DLG5: variants seen among roughly 807,000 people sequenced by gnomAD.
DLG5 encodes disks large homolog 5.
DLG5 carries 48 observed loss-of-function variants against 189.8 expected under a neutral mutation model. That is an observed-to-expected ratio of 0.25 (90% confidence interval 0.20 to 0.32). The LOEUF is 0.32. Among genes scored for constraint, DLG5 ranks in the 10% least tolerant of loss-of-function variants. DLG5 has a pLI of 1.00. For missense variants in DLG5, 2,160 were observed against 2,544.7 expected (o/e 0.85, Z 3.25); for synonymous variants, 1,016 against 1,054.1 (o/e 0.96, Z 0.70).
At chr10:77,883,691 C>CTTTTTTTT (rs36028891) in intron 1 of DLG5, among the ~76,000 whole-genome samples, 60 of 96,422 alleles carry the variant, frequency 6.2e-4, no homozygotes, top group African/African-American at 1.1e-3. Flanking sequence ...TAACATTGTT[C>CTTTTTTTT]TTTTTTTTTT....
chr10:77,902,635 C>T (rs867192471), intron 1 of DLG5, among the ~76,000 whole-genome samples: 2 of 151,852 alleles, frequency 1.3e-5, no homozygotes, highest in African/African-American at 4.8e-5. Context: ...CCGAGGTGGG[C>T]GGATCATGAG....
chr10:77,870,560 T>C (rs538750816), intron 1 of DLG5, among the ~76,000 whole-genome samples: 27 of 152,222 alleles, frequency 1.8e-4, no homozygotes, highest in Middle Eastern at 3.4e-3. Context: ...GGCACGCACC[T>C]GTAATCCCAG....
At chr10:77,814,198 G>A (rs1841922606) in intron 20 of DLG5, among the ~76,000 whole-genome samples, 1 of 151,748 alleles carries the variant, frequency 6.6e-6, no homozygotes, top group South Asian at 2.1e-4. Context: ...GGCTGGTCTC[G>A]AACCCCTGAC....
intron 31 of DLG5, chr10:77,792,801 G>A: frequency 2.2e-6 from 1 of 453,316 alleles, no homozygotes. Flanking sequence ...AATGGTTGGG[G>A]GAATCCCAGG....
chr10:77,800,289 T>C (rs1211246418), intron 27 of DLG5, among the ~76,000 whole-genome samples: 2 of 152,132 alleles, frequency 1.3e-5, no homozygotes, highest in East Asian at 3.8e-4. Flanking sequence ...ATGAGAAATA[T>C]CTTTTTGAAG....
chr10:77,819,493 G>A (rs2289308), intron 16 of DLG5, 28 bp from the exon 17 acceptor site: 511,017 of 1,599,250 alleles, frequency 0.32, 84,406 homozygotes, highest in Non-Finnish European at 0.34. Context: ...GAGAAAAGAC[G>A]CCCCAAAGGA....
At chr10:77,875,830 A>C (rs1285852461) in intron 1 of DLG5, among the ~76,000 whole-genome samples, 1 of 151,896 alleles carries the variant, frequency 6.6e-6, no homozygotes, top group Non-Finnish European at 1.5e-5. Context: ...AAAAAAGAAA[A>C]GAAAAAACTA....
At chr10:77,889,599 C>A (rs1234740939) in intron 1 of DLG5, 1 of 152,322 alleles carries the variant, frequency 6.6e-6, no homozygotes, top group South Asian at 2.1e-4. Flanking sequence ...AAGGCGGTGT[C>A]GAGTTACTGA....
At chr10:77,894,287 C>G (rs891030119) in intron 1 of DLG5, among the ~76,000 whole-genome samples, 21 of 152,132 alleles carry the variant, frequency 1.4e-4, no homozygotes, top group African/African-American at 4.6e-4. Context: ...AGTTCTTTAA[C>G]CACTCTGTGC....
At chr10:77,830,716 A>G in intron 10 of DLG5, 25 bp downstream of exon 10, 2 of 1,612,252 alleles carry the variant, frequency 1.2e-6, no homozygotes, top group South Asian at 2.2e-5. Context: ...AGAGAAGGAG[A>G]GAAGAACCAT....
chr10:77,821,504 C>T lies in DLG5; in HGVS notation c.2980G>A (p.Gly994Ser). The T allele has an allele frequency of 6.2e-7, 1 of 1,612,568 alleles. No individual in the cohort carries two copies. The highest frequency in any genetic ancestry group is 8.5e-7 in the Non-Finnish European group (1 of 1,179,908). Residue 994 changes from glycine (G) to serine (S), a missense_variant, in exon 15 of 32, where the codon GGT (glycine) becomes AGT (serine). Physicochemically the swap from Gly to Ser is moderately conservative, Grantham distance 56. Transcript: ENST00000372391. ...TGGGGAGAGTGAGCAGGCCCAGGAC[C>T]TGGAAGCAGGTAGTCTATTTTGGGG... Reference protein sequence around the residue: ...TPPKIDYLLPGPGPAHSPQPS... With the variant: ...TPPKIDYLLPSPGPAHSPQPS...
At chr10:77,920,152 G>A (rs1032515264) in intron 1 of DLG5, among the ~76,000 whole-genome samples, 2 of 152,122 alleles carry the variant, frequency 1.3e-5, no homozygotes, top group Non-Finnish European at 2.9e-5. Flanking sequence ...CAGTTTTCTG[G>A]TTCTAAGGCT....
intron 1 of DLG5, among the ~76,000 whole-genome samples, chr10:77,923,754 T>C (rs1209633128): frequency 6.6e-6 from 1 of 152,164 alleles, no homozygotes; most frequent in Non-Finnish European, 1.5e-5. Context: ...TGAGACCCTG[T>C]CTCAAAAAAA....
chr10:77,922,304 T>A (rs902995468), intron 1 of DLG5, among the ~76,000 whole-genome samples: 1 of 151,862 alleles, frequency 6.6e-6, no homozygotes, highest in Non-Finnish European at 1.5e-5. Context: ...GGGAAAAAAC[T>A]CAGGTGTTTC....
intron 1 of DLG5, among the ~76,000 whole-genome samples, chr10:77,876,695 A>AGGGAGGG (rs1845101553): frequency 1.4e-5 from 1 of 73,408 alleles, no homozygotes; most frequent in Non-Finnish European, 3.0e-5. Context: ...GGAAGGAAGG[A>AGGGAGGG]AGGAAGGAAG....
At chr10:77,892,457 G>GT (rs1178571389) in intron 1 of DLG5, among the ~76,000 whole-genome samples, 1 of 152,212 alleles carries the variant, frequency 6.6e-6, no homozygotes, top group Non-Finnish European at 1.5e-5. Flanking sequence ...GTTCTTACTT[G>GT]TAAGACAGCA....
chr10:77,851,779 C>G (rs1003602084), intron 5 of DLG5, among the ~76,000 whole-genome samples: 1 of 152,198 alleles, frequency 6.6e-6, no homozygotes, highest in South Asian at 2.1e-4. Context: ...CAATGGAATA[C>G]AGTTTCATTG....
intron 25 of DLG5, 125 bp from the exon 26 acceptor site, chr10:77,807,053 G>A (rs1277424356): frequency 2.8e-6 from 3 of 1,061,448 alleles, no homozygotes; most frequent in African/African-American, 1.6e-5. Flanking sequence ...ACTTGATCAG[G>A]AATCGCCGAG....
chr10:77,849,985 C>T (rs1176037251), intron 5 of DLG5, among the ~76,000 whole-genome samples: 1 of 152,174 alleles, frequency 6.6e-6, no homozygotes, highest in African/African-American at 2.4e-5. Context: ...CAGGTGTGAG[C>T]CACTGTACCC....
Sources: allele counts gnomAD v4.1 joint callset (sites outside exome capture counted in the v4.1 genomes callset), GRCh38; gene constraint gnomAD v4.1.1; transcripts MANE v1.5; gene names NCBI Gene and HGNC (gene_info 2026-07-23, HGNC 2026-07-21).